PACRG: variants seen among roughly 807,000 people sequenced by gnomAD.
The protein encoded by PACRG is parkin coregulated gene protein.
Under a neutral mutation model 29.7 loss-of-function variants are expected in PACRG, and 29 were observed. The ratio of observed to expected loss-of-function variants is 0.98; its 90% CI spans 0.73 to 1.33. The LOEUF is 1.33. PACRG is among the 40% of genes most tolerant of loss of function. PACRG has a pLI of 0.00. For missense variants in PACRG, 279 were observed against 316.2 expected, an observed-to-expected ratio of 0.88 and a Z score of 0.89; for synonymous variants, 116 against 118.7, an observed-to-expected ratio of 0.98 and a Z score of 0.15.
intron 2 of PACRG, among the ~76,000 whole-genome samples, chr6:162,991,837 T>A (rs1208593090): frequency 1.6e-5 from 2 of 125,482 alleles, no homozygotes; most frequent in Non-Finnish European, 3.2e-5. Flanking sequence ...AGGGAATGCT[T>A]CCAGTTTTTG....
intron 1 of PACRG, among the ~76,000 whole-genome samples, chr6:162,753,893 C>T (rs1478079679): frequency 6.6e-6 from 1 of 152,086 alleles, no homozygotes; most frequent in Non-Finnish European, 1.5e-5. Context: ...TCAGGTAGTT[C>T]TTTATAGCAG....
chr6:162,791,883 C>T (rs1418386042), intron 1 of PACRG, among the ~76,000 whole-genome samples: 2 of 152,110 alleles, frequency 1.3e-5, no homozygotes, highest in Non-Finnish European at 1.5e-5. Flanking sequence ...AAGCGTACAT[C>T]CTCTCCTGCA....
chr6:163,089,789 T>C (rs1408139512), intron 4 of PACRG, among the ~76,000 whole-genome samples: 1 of 152,252 alleles, frequency 6.6e-6, no homozygotes, highest in African/African-American at 2.4e-5. Context: ...GTCAGCTTTT[T>C]TCCATTGGTT....
At chr6:163,236,429 C>A (rs975624389) in intron 4 of PACRG, among the ~76,000 whole-genome samples, 3 of 152,184 alleles carry the variant, frequency 2.0e-5, no homozygotes, top group Non-Finnish European at 2.9e-5. Context: ...ATCTCTTCTA[C>A]GTATTCCTAA....
At chr6:162,735,452 A>G (rs1394474041) in intron 1 of PACRG, among the ~76,000 whole-genome samples, 3 of 152,172 alleles carry the variant, frequency 2.0e-5, no homozygotes, top group African/African-American at 4.8e-5. Flanking sequence ...ATGTAATGTT[A>G]TATCCTTGTC....
chr6:163,151,433 G>A (rs977434345), intron 4 of PACRG, among the ~76,000 whole-genome samples: 4 of 152,106 alleles, frequency 2.6e-5, no homozygotes, highest in Admixed American at 1.3e-4. Flanking sequence ...CGTCCTCATC[G>A]GCAGGCTTTT....
At chr6:163,028,266 C>G (rs1807332979) in intron 2 of PACRG, among the ~76,000 whole-genome samples, 1 of 152,188 alleles carries the variant, frequency 6.6e-6, no homozygotes, top group South Asian at 2.1e-4. Flanking sequence ...GTTATAGGCT[C>G]TGTGCCTGTC....
intron 2 of PACRG, among the ~76,000 whole-genome samples, chr6:162,868,674 T>A (rs1375065657): frequency 6.6e-6 from 1 of 152,064 alleles, no homozygotes; most frequent in Non-Finnish European, 1.5e-5. Context: ...CCTTTCCGGC[T>A]CATCACCTGC....
chr6:162,785,258 A>G (rs1193305024), intron 1 of PACRG, among the ~76,000 whole-genome samples: 1 of 152,096 alleles, frequency 6.6e-6, no homozygotes, highest in Non-Finnish European at 1.5e-5. Context: ...CCAATTTGAG[A>G]AGGAAATCAA....
intron 2 of PACRG, among the ~76,000 whole-genome samples, chr6:162,924,630 G>C (rs1196892177): frequency 2.6e-5 from 4 of 151,624 alleles, no homozygotes; most frequent in African/African-American, 9.7e-5. Flanking sequence ...TTTTTTTTCT[G>C]TTGTCCATTG....
chr6:163,004,737 T>TACAC (rs146095540), intron 2 of PACRG, among the ~76,000 whole-genome samples: 1,874 of 135,494 alleles, frequency 0.014, 77 homozygotes, highest in African/African-American at 0.049. Flanking sequence ...TATATATATA[T>TACAC]ACACACACAC....
At chr6:162,727,277 G>GAGGTGAGGGGCGAAGGTGAGGGGCGA, upstream of PACRG, 1 of 228,662 alleles carries the variant, frequency 4.4e-6, no homozygotes, top group South Asian at 6.8e-5. Context: ...ACCGGCCAGT[G>GAGGTGAGGGGCGAAGGTGAGGGGCGA]AGGTGAGGGG....
chr6:163,095,550 G>C, intron 4 of PACRG: 1 of 640,838 alleles, frequency 1.6e-6, no homozygotes, highest in Non-Finnish European at 1.9e-6. Context: ...GGTGTGGACA[G>C]GGCCAGCTCT....
chr6:163,176,256 CT>C (rs1243817163), intron 4 of PACRG, among the ~76,000 whole-genome samples: 1 of 152,242 alleles, frequency 6.6e-6, no homozygotes, highest in Non-Finnish European at 1.5e-5. Context: ...GATACTAACA[CT>C]TCACTGGTTC....
chr6:162,733,334 G>A (rs547677448), intron 1 of PACRG, among the ~76,000 whole-genome samples: 72 of 152,238 alleles, frequency 4.7e-4, no homozygotes, highest in African/African-American at 1.7e-3. Flanking sequence ...TCTCCGTGAG[G>A]GCAGTATCCA....
chr6:162,772,842 G>A (rs111530631), intron 1 of PACRG, among the ~76,000 whole-genome samples: 7 of 152,182 alleles, frequency 4.6e-5, no homozygotes, highest in African/African-American at 1.7e-4. Flanking sequence ...AGAATATGAG[G>A]GAATGAAAAA....
At chr6:162,818,527 T>A (rs886654586) in intron 2 of PACRG, among the ~76,000 whole-genome samples, 5 of 152,084 alleles carry the variant, frequency 3.3e-5, no homozygotes, top group Non-Finnish European at 7.4e-5. Context: ...AGCATACAAG[T>A]GGTTTTGAAA....
intron 2 of PACRG, among the ~76,000 whole-genome samples, chr6:162,845,446 A>T (rs1790282460): frequency 6.7e-6 from 1 of 150,126 alleles, no homozygotes; most frequent in African/African-American, 2.5e-5. Flanking sequence ...TTTGTTGTAT[A>T]TATAATTAAA....
rs538821670 is a variant in PACRG at position 162,814,256 on chromosome 6, C to T, written c.266C>T (p.Ser89Leu). ...GDFPIALEHDSKGNKIAWKVE... is the reference protein window; with the variant it reads ...GDFPIALEHDLKGNKIAWKVE... ...TTCCCAATTGCCCTTGAGCATGATT[C>T]GAAAGGAAACAAAATCGCCTGGAAG... The change falls in exon 2 of 5, where the codon TCG becomes TTG. Residue 89 changes from serine (S) to leucine (L), a missense_variant. Ser to Leu is a moderately radical substitution (Grantham distance 145, BLOSUM62 -2). Coordinates refer to ENST00000366888, the MANE Select transcript of PACRG (RefSeq NM_001080379.2). 27 of 1,613,430 alleles carry T rather than the reference C, an allele frequency of 1.7e-5. No individual in the cohort carries two copies. Among genetic ancestry groups the T allele is most frequent in the Non-Finnish European group, 2.1e-5 (25 of 1,179,706 alleles).
Sources: allele counts gnomAD v4.1 joint callset (sites outside exome capture counted in the v4.1 genomes callset), GRCh38; gene constraint gnomAD v4.1.1; transcripts MANE v1.5; gene names NCBI Gene and HGNC (gene_info 2026-07-23, HGNC 2026-07-21).